Variants in LSAMP observed in about 807,000 individuals in gnomAD.
LSAMP encodes limbic system associated membrane protein.
Under a neutral mutation model 38.6 loss-of-function variants are expected in LSAMP, and 7 were observed. The ratio of observed to expected loss-of-function variants is 0.18; its 90% CI spans 0.10 to 0.34. The LOEUF is 0.34. Among genes scored for constraint, LSAMP ranks in the 10% least tolerant of loss-of-function variants. The probability of loss-of-function intolerance (pLI) is 1.00; values close to 1 mark genes in which losing one functional copy is unlikely to be tolerated. For synonymous variants in LSAMP, 154 were observed against 166.8 expected (o/e 0.92, Z 0.59); for missense variants, 313 against 420.0 (o/e 0.75, Z 2.23).
intron 1 of LSAMP, among the ~76,000 whole-genome samples, chr3:116,307,326 AT>A (rs1263162420): frequency 1.3e-5 from 2 of 151,994 alleles, no homozygotes; most frequent in Non-Finnish European, 2.9e-5. Context: ...TTTTTAAATT[AT>A]TTTTAGGTTA....
intron 1 of LSAMP, among the ~76,000 whole-genome samples, chr3:116,406,025 T>C (rs1207298521): frequency 6.6e-6 from 1 of 152,162 alleles, no homozygotes; most frequent in Non-Finnish European, 1.5e-5. Context: ...TGCTGCAAAT[T>C]CAAATGATAT....
intron 2 of LSAMP, among the ~76,000 whole-genome samples, chr3:116,035,176 G>A (rs1040718991): frequency 1.6e-4 from 25 of 152,130 alleles, no homozygotes; most frequent in Admixed American, 8.5e-4. Flanking sequence ...AGAAAAATTA[G>A]GAACCAAACA....
chr3:116,270,815 T>A (rs1413905025), intron 1 of LSAMP, among the ~76,000 whole-genome samples: 1 of 151,560 alleles, frequency 6.6e-6, no homozygotes, highest in African/African-American at 2.4e-5. Flanking sequence ...AAACCAAATA[T>A]CCCACTTGAA....
intron 6 of LSAMP, among the ~76,000 whole-genome samples, chr3:115,811,395 G>C (rs1011076904): frequency 2.0e-5 from 3 of 152,142 alleles, no homozygotes. Context: ...CATTTGTATA[G>C]TTCTGCTCAT....
At chr3:116,127,375 TAATC>T (rs1377175116) in intron 1 of LSAMP, among the ~76,000 whole-genome samples, 6 of 152,208 alleles carry the variant, frequency 3.9e-5, no homozygotes, top group Non-Finnish European at 8.8e-5. Flanking sequence ...CATCCCATCT[TAATC>T]AAAGAGTAGG....
chr3:116,110,030 C>T (rs969906538), intron 1 of LSAMP, among the ~76,000 whole-genome samples: 3 of 149,794 alleles, frequency 2.0e-5, no homozygotes, highest in African/African-American at 7.4e-5. Context: ...GATTGGGGCA[C>T]AGAGATAAGA....
rs2107622675 is a variant in LSAMP at position 115,978,453 on chromosome 3, CA to C, written c.514+41061del. ...CATTCTAATCCAGTACTCTTCCCAC[CA>C]CATCAAAAACTATTCATCAGTAATT... On this transcript the variant is annotated intron_variant, in intron 3 of 6. Coordinates refer to ENST00000490035, the MANE Select transcript of LSAMP (RefSeq NM_002338.5). Among the ~76,000 whole-genome samples, 2 of 151,564 alleles carry C rather than the reference CA, an allele frequency of 1.3e-5. 1 individual carries two copies. Among genetic ancestry groups the C allele is most frequent in the East Asian group, 3.9e-4 (2 of 5,110 alleles).
At chr3:115,972,873 T>A (rs1001597306) in intron 3 of LSAMP, among the ~76,000 whole-genome samples, 3 of 148,820 alleles carry the variant, frequency 2.0e-5, no homozygotes, top group South Asian at 2.1e-4. Flanking sequence ...TATATTATTT[T>A]TATATATTAT....
At chr3:116,146,482 AG>A in intron 1 of LSAMP, among the ~76,000 whole-genome samples, 1 of 152,106 alleles carries the variant, frequency 6.6e-6, no homozygotes, top group Non-Finnish European at 1.5e-5. Context: ...GTTGACAAAA[AG>A]CTCAATATGA....
At chr3:116,358,625 G>A (rs375153234) in intron 1 of LSAMP, among the ~76,000 whole-genome samples, 3 of 152,006 alleles carry the variant, frequency 2.0e-5, no homozygotes, top group African/African-American at 4.8e-5. Context: ...TCCACCGATC[G>A]AAATGCTTTT....
intron 2 of LSAMP, among the ~76,000 whole-genome samples, chr3:116,042,415 CTAA>C (rs909475005): frequency 6.6e-6 from 1 of 150,718 alleles, no homozygotes; most frequent in Non-Finnish European, 1.5e-5. Context: ...ATCTACCAGT[CTAA>C]TAAAGAGCAT....
intron 1 of LSAMP, among the ~76,000 whole-genome samples, chr3:116,106,250 G>A (rs141072089): frequency 0.065 from 9,907 of 152,230 alleles, 406 homozygotes; most frequent in Non-Finnish European, 0.095. Context: ...GATATCAGCT[G>A]TAATGGCTTG....
At chr3:115,838,117 G>A (rs1330083144) in intron 6 of LSAMP, 1 of 152,178 alleles carries the variant, frequency 6.6e-6, no homozygotes, top group Non-Finnish European at 1.5e-5. Flanking sequence ...CCTATGAATA[G>A]CCACTGCACT....
At chr3:115,868,900 C>T (rs1440016254) in intron 3 of LSAMP, among the ~76,000 whole-genome samples, 1 of 151,924 alleles carries the variant, frequency 6.6e-6, no homozygotes, top group Non-Finnish European at 1.5e-5. Context: ...AGTAAAAAAA[C>T]TAAGAATATT....
chr3:115,947,326 G>A (rs566503725), intron 3 of LSAMP, among the ~76,000 whole-genome samples: 5 of 152,192 alleles, frequency 3.3e-5, no homozygotes, highest in African/African-American at 9.6e-5. Flanking sequence ...GTGAAAATTA[G>A]GAGAATTATA....
At chr3:116,126,778 TTTAACCC>T (rs1709017714) in intron 1 of LSAMP, among the ~76,000 whole-genome samples, 1 of 152,122 alleles carries the variant, frequency 6.6e-6, no homozygotes, top group Non-Finnish European at 1.5e-5. Flanking sequence ...GGAGAATCAC[TTTAACCC>T]CAGGAGACCA....
chr3:116,219,877 A>C (rs1018356122), intron 1 of LSAMP, among the ~76,000 whole-genome samples: 1 of 152,200 alleles, frequency 6.6e-6, no homozygotes, highest in African/African-American at 2.4e-5. Flanking sequence ...GAGAAATGCA[A>C]ATCAAAATCA....
At chr3:116,074,302 A>T (rs1352344030) in intron 2 of LSAMP, among the ~76,000 whole-genome samples, 2 of 152,176 alleles carry the variant, frequency 1.3e-5, no homozygotes, top group African/African-American at 4.8e-5. Flanking sequence ...ATCCCCCAAA[A>T]CAGGGAAGAG....
At position 116,158,251 on chromosome 3, in the gene LSAMP, C is replaced by A. The variant is rs1709803040; in HGVS notation, c.156-71695G>T. Among the ~76,000 whole-genome samples the A allele has an allele frequency of 2.0e-5, 3 of 152,226 alleles. No individual in the cohort carries two copies. The South Asian group carries it at 6.2e-4, about 32-fold the overall frequency. On this transcript the variant is annotated intron_variant, in intron 1 of 6. Coordinates refer to ENST00000490035, the MANE Select transcript of LSAMP (RefSeq NM_002338.5). ...TGACAAACCCACAGCCAACATTACACTGAATGGGCAAAAGCTGGAAGCAAC... is the reference window on the plus strand; with the variant it reads ...TGACAAACCCACAGCCAACATTACAATGAATGGGCAAAAGCTGGAAGCAAC...
Sources: gnomAD v4.1 joint callset for allele counts (sites outside exome capture counted in the v4.1 genomes callset) on GRCh38, gnomAD v4.1.1 for gene constraint, MANE v1.5 for transcripts, NCBI Gene and HGNC (gene_info 2026-07-23, HGNC 2026-07-21) for gene names.